The following PLXDC2 variants were observed in gnomAD, a reference collection of about 807,000 sequenced individuals.
PLXDC2 encodes plexin domain containing 2.
PLXDC2 carries 40 observed loss-of-function variants against 68.9 expected under a neutral mutation model. The ratio of observed to expected loss-of-function variants is 0.58; its 90% CI spans 0.45 to 0.76. PLXDC2 has a LOEUF of 0.76. PLXDC2 is among the 30% of genes least tolerant of loss of function. PLXDC2 has a pLI of 0.00. For synonymous variants in PLXDC2, 243 were observed against 234.2 expected (o/e 1.04, Z -0.34); for missense variants, 644 against 661.9 (o/e 0.97, Z 0.30).
intron 12 of PLXDC2, among the ~76,000 whole-genome samples, chr10:20,221,053 G>C (rs899017036): frequency 6.6e-6 from 1 of 151,954 alleles, no homozygotes; most frequent in Non-Finnish European, 1.5e-5. Context: ...ATGTTGGCCA[G>C]GCTGGTCTTG....
At chr10:19,883,681 T>C (rs1266701538) in intron 1 of PLXDC2, among the ~76,000 whole-genome samples, 1 of 150,778 alleles carries the variant, frequency 6.6e-6, no homozygotes, top group Non-Finnish European at 1.5e-5. Flanking sequence ...TGTTTCTTTC[T>C]GCTTTCTTCA....
chr10:20,243,067 C>A (rs1835538965), intron 12 of PLXDC2, among the ~76,000 whole-genome samples: 1 of 152,042 alleles, frequency 6.6e-6, no homozygotes, highest in Non-Finnish European at 1.5e-5. Context: ...TTGAAATTAC[C>A]AGATTCTTTT....
intron 9 of PLXDC2, among the ~76,000 whole-genome samples, chr10:20,181,483 A>C (rs1173241837): frequency 6.6e-6 from 1 of 152,054 alleles, no homozygotes; most frequent in Non-Finnish European, 1.5e-5. Flanking sequence ...TGAAAGAGCC[A>C]GTAGTTGTTC....
chr10:20,008,448 G>C (rs969154521), intron 2 of PLXDC2, among the ~76,000 whole-genome samples: 1 of 152,136 alleles, frequency 6.6e-6, no homozygotes, highest in African/African-American at 2.4e-5. Context: ...AGATACTCGA[G>C]AGGCTGAGGC....
intron 12 of PLXDC2, among the ~76,000 whole-genome samples, chr10:20,232,208 C>A (rs1835374246): frequency 6.6e-6 from 1 of 152,082 alleles, no homozygotes. Context: ...TAGCTAAACA[C>A]TACACAACAC....
intron 9 of PLXDC2, among the ~76,000 whole-genome samples, chr10:20,199,713 C>T (rs1279951459): frequency 6.6e-6 from 1 of 151,768 alleles, no homozygotes; most frequent in African/African-American, 2.4e-5. Flanking sequence ...CACATCTATT[C>T]GATCAGATTC....
At chr10:20,259,796 G>A (rs1225310789) in intron 13 of PLXDC2, among the ~76,000 whole-genome samples, 1 of 152,202 alleles carries the variant, frequency 6.6e-6, no homozygotes, top group Non-Finnish European at 1.5e-5. Context: ...AATTTCTGAA[G>A]GGGCTGGAGC....
chr10:19,819,536 T>C (rs1311615137), intron 1 of PLXDC2, among the ~76,000 whole-genome samples: 2 of 152,236 alleles, frequency 1.3e-5, no homozygotes, highest in Admixed American at 6.5e-5. Flanking sequence ...AGGATCTTTA[T>C]TACAGACATG....
intron 1 of PLXDC2, among the ~76,000 whole-genome samples, chr10:19,903,625 T>A (rs562295493): frequency 9.2e-5 from 14 of 151,950 alleles, no homozygotes; most frequent in Admixed American, 7.2e-4. Context: ...AATGAACCAG[T>A]TTCTTTTGTT....
At chr10:20,164,174 T>C (rs1834342747) in intron 6 of PLXDC2, among the ~76,000 whole-genome samples, 1 of 152,162 alleles carries the variant, frequency 6.6e-6, no homozygotes, top group African/African-American at 2.4e-5. Flanking sequence ...CCTATATGTG[T>C]GATAGGTTTG....
At chr10:20,020,520 A>G (rs12779036) in intron 2 of PLXDC2, among the ~76,000 whole-genome samples, 33,971 of 151,838 alleles carry the variant, frequency 0.22, 4,713 homozygotes, top group Non-Finnish European at 0.33. Context: ...TGGAGATTTC[A>G]TAACCACCTG....
At chr10:19,844,295 C>T (rs150743952) in intron 1 of PLXDC2, among the ~76,000 whole-genome samples, 46 of 152,186 alleles carry the variant, frequency 3.0e-4, no homozygotes, top group African/African-American at 9.9e-4. Context: ...TGTTTTTGAA[C>T]GAATGGTTCC....
rs12267031 is a variant in PLXDC2 at position 20,128,500 on chromosome 10, T to G, written c.542-14795T>G. 8.0e-3 allele frequency among the ~76,000 whole-genome samples: 1,213 copies of G among 152,332 alleles called. 15 individuals are homozygous for G. Among genetic ancestry groups the G allele is most frequent in the African/African-American group, 0.028 (1,143 of 41,560 alleles). ...TATCCATCACCTCACATAGTTACTTTTTTTTGGTAAGAACACGTAAGATCT... is the reference window on the plus strand; with the variant it reads ...TATCCATCACCTCACATAGTTACTTGTTTTTGGTAAGAACACGTAAGATCT... On this transcript the variant is annotated intron_variant, in intron 4 of 13. Coordinates refer to ENST00000377252, the MANE Select transcript of PLXDC2 (RefSeq NM_032812.9).
intron 1 of PLXDC2, among the ~76,000 whole-genome samples, chr10:19,879,479 T>A (rs572912823): frequency 6.6e-6 from 1 of 152,302 alleles, no homozygotes; most frequent in East Asian, 1.9e-4. Flanking sequence ...ATTTATTCAA[T>A]TTTAAACGCT....
intron 1 of PLXDC2, among the ~76,000 whole-genome samples, chr10:19,865,718 T>C (rs1414903466): frequency 6.6e-6 from 1 of 152,176 alleles, no homozygotes; most frequent in African/African-American, 2.4e-5. Flanking sequence ...ACCTTAAAAA[T>C]GGAAAATTTA....
chr10:20,095,133 T>C (rs942358065), intron 4 of PLXDC2, among the ~76,000 whole-genome samples: 9 of 152,220 alleles, frequency 5.9e-5, no homozygotes, highest in African/African-American at 2.2e-4. Context: ...ATTTCCAAAA[T>C]ATAATTTTGA....
At chr10:19,911,975 A>G (rs1833279292) in intron 1 of PLXDC2, among the ~76,000 whole-genome samples, 1 of 152,054 alleles carries the variant, frequency 6.6e-6, no homozygotes, top group Non-Finnish European at 1.5e-5. Flanking sequence ...CCCTGAAGCT[A>G]TTTCTTTTCT....
chr10:20,191,356 A>G lies in PLXDC2; in HGVS notation c.1061+13947A>G, dbSNP rs375818951. Among the ~76,000 whole-genome samples, 13 of 151,938 alleles carry G rather than the reference A, an allele frequency of 8.6e-5. No homozygotes were observed. In the East Asian group the frequency reaches 1.6e-3, roughly 18 times the overall value. ...TTTCTTCAATGACACTTCACAGTCA[A>G]GGAAGAACTATTCTTATTCTCTGCA... is the stretch of plus-strand genomic sequence containing the variant. On this transcript the variant is annotated intron_variant, in intron 9 of 13. Coordinates refer to ENST00000377252, the MANE Select transcript of PLXDC2 (RefSeq NM_032812.9).
At chr10:20,128,384 A>C (rs1266816710) in intron 4 of PLXDC2, among the ~76,000 whole-genome samples, 1 of 152,184 alleles carries the variant, frequency 6.6e-6, no homozygotes, top group Non-Finnish European at 1.5e-5. Flanking sequence ...ATAATTGGCA[A>C]ATGCAATTTG....
Sources: allele counts gnomAD v4.1 joint callset (sites outside exome capture counted in the v4.1 genomes callset), GRCh38; gene constraint gnomAD v4.1.1; transcripts MANE v1.5; gene names NCBI Gene and HGNC (gene_info 2026-07-23, HGNC 2026-07-21).